Variants in UPB1 observed in about 807,000 individuals in gnomAD.
UPB1 encodes the protein beta-ureidopropionase.
Under a neutral mutation model 49.1 loss-of-function variants are expected in UPB1, and 40 were observed. The ratio of observed to expected loss-of-function variants is 0.81; its 90% CI spans 0.63 to 1.06. The LOEUF (loss-of-function observed/expected upper bound fraction) is 1.06. Among genes scored for constraint, UPB1 ranks in the 50% least tolerant of loss-of-function variants. UPB1 has a pLI of 0.00. For missense variants in UPB1, 499 were observed against 505.9 expected, an observed-to-expected ratio of 0.99 and a Z score of 0.13; for synonymous variants, 207 against 198.2, an observed-to-expected ratio of 1.04 and a Z score of -0.38.
chr22:24,523,716 A>G lies in UPB1; in HGVS notation c.1014A>G (p.Leu338=). 6.2e-7 allele frequency: 1 copy of G among 1,614,274 alleles called. No homozygotes were observed. Among genetic ancestry groups the G allele is most frequent in the Non-Finnish European group, 8.5e-7 (1 of 1,180,046 alleles). Residue 338 remains leucine, a synonymous_variant, in exon 9 of 10, where the codon CTA becomes CTG. Transcript: ENST00000326010. Reference sequence around the variant, plus strand: ...TGTCCCGTAGCCGGGATGGACTGCTAGTTGCTAAGCTCGACCTAAACCTCT... The same window carrying G: ...TGTCCCGTAGCCGGGATGGACTGCTGGTTGCTAAGCTCGACCTAAACCTCT... ...PGLSRSRDGL[L]VAKLDLNLCQ... is the part of the protein sequence containing the mutation.
intron 3 of UPB1, among the ~76,000 whole-genome samples, chr22:24,504,723 CTT>C (rs35606558): frequency 0.027 from 2,469 of 91,494 alleles, 16 homozygotes; most frequent in African/African-American, 0.057. Flanking sequence ...GTATTTCCTC[CTT>C]TTTTTTTTTT....
chr22:24,528,362 T>C lies in UPB1; in HGVS notation c.*2568T>C, dbSNP rs940456659. On this transcript the variant is annotated 3_prime_UTR_variant, in exon 10 of 10. Transcript: ENST00000326010. The stretch of plus-strand genomic sequence containing the variant: ...CAAGGTTTAACTCATCCCTGGAACA[T>C]GCAGATGCTCAGTAAACATTTGAAT... 2.6e-5 allele frequency: 4 copies of C among 152,258 alleles called. No individual in the cohort carries two copies. The highest frequency in any genetic ancestry group is 9.6e-5 in the African/African-American group (4 of 41,464). The allele number at this position is 152,258 out of a possible 1,614,324, so 9.4% of individuals were successfully genotyped here. A position where few individuals can be genotyped will look rare whatever the true frequency, so the allele number is the denominator to read the frequency against.
Position 24,511,618 on chromosome 22 carries a change from A to ATAT in UPB1, c.459+776_459+777insATT, listed in dbSNP as rs1280628896. On this transcript the variant is annotated intron_variant, in intron 4 of 9. Coordinates refer to ENST00000326010, the MANE Select transcript of UPB1 (RefSeq NM_016327.3). ...GTGAATTATATATATATATATATAT[A>ATAT]TTTTTTTTTTTTTGAGATGGAGTCT... is the stretch of plus-strand genomic sequence containing the variant. Among the ~76,000 whole-genome samples the ATAT allele has an allele frequency of 6.0e-4, 73 of 122,552 alleles. 1 individual carries two copies. Among genetic ancestry groups the ATAT allele is most frequent in the African/African-American group, 2.0e-3 (63 of 32,162 alleles). The allele number at this position is 122,552 out of a possible 152,430, so 80.4% of individuals were successfully genotyped here.
chr22:24,526,962 A>G lies in UPB1; in HGVS notation c.*1168A>G, dbSNP rs945216492. The stretch of plus-strand genomic sequence containing the variant: ...ACTAAATCCTTTTATATCTCTATCC[A>G]TCACCTACTAATTCTGCTAGTTCTG... On this transcript the variant is annotated 3_prime_UTR_variant, in exon 10 of 10. Transcript: ENST00000326010. 2 of 152,204 alleles carry G rather than the reference A, an allele frequency of 1.3e-5. No individual in the cohort carries two copies. The highest frequency in any genetic ancestry group is 2.4e-5 in the African/African-American group (1 of 41,442). The allele number at this position is 152,204 out of a possible 1,614,324, so 9.4% of individuals were successfully genotyped here. A position where few individuals can be genotyped will look rare whatever the true frequency, so the allele number is the denominator to read the frequency against.
At chr22:24,516,130 A>G (rs2044289562) in intron 6 of UPB1, among the ~76,000 whole-genome samples, 1 of 152,250 alleles carries the variant, frequency 6.6e-6, no homozygotes, top group Non-Finnish European at 1.5e-5. Flanking sequence ...CAGGACAGAC[A>G]TCTGGACAAG....
intron 3 of UPB1, among the ~76,000 whole-genome samples, chr22:24,510,388 A>G (rs1054028588): frequency 6.6e-6 from 1 of 151,988 alleles, no homozygotes. Context: ...CTGATATTCC[A>G]TTGTGTATAT....
At chr22:24,497,206 T>C (rs1396341913) in intron 1 of UPB1, among the ~76,000 whole-genome samples, 20 of 152,166 alleles carry the variant, frequency 1.3e-4, no homozygotes, top group Admixed American at 1.2e-3. Flanking sequence ...AATGATACCA[T>C]TGTATTTGTA....
intron 8 of UPB1, 101 bp downstream of exon 8, chr22:24,522,129 C>T: frequency 2.2e-6 from 3 of 1,387,256 alleles, no homozygotes; most frequent in Non-Finnish European, 3.0e-6. Flanking sequence ...CAGATCACAT[C>T]TGCATGCCTG....
At chr22:24,521,285 C>G (rs959417237) in intron 7 of UPB1, among the ~76,000 whole-genome samples, 1 of 151,476 alleles carries the variant, frequency 6.6e-6, no homozygotes, top group Non-Finnish European at 1.5e-5. Flanking sequence ...AGTTCCAGAC[C>G]AGCCTGGCCA....
chr22:24,502,371 C>T (rs777734775), intron 3 of UPB1, 158 bp downstream of exon 3: 45 of 841,368 alleles, frequency 5.3e-5, no homozygotes, highest in Non-Finnish European at 8.7e-5. Flanking sequence ...CCCGGCCTCC[C>T]TGCTGTTACG....
rs893599252 is a variant in UPB1, at chr22:24,526,330, T to TC, written c.*539dup. ...TTTTGTAGATGTGACAGAAGTCCAT[T>TC]CCCAATTGACTAAGTAAGTGAGATT... On this transcript the variant is annotated 3_prime_UTR_variant, in exon 10 of 10. Transcript: ENST00000326010. 1 of 207,332 alleles carries TC rather than the reference T, an allele frequency of 4.8e-6. No individual in the cohort carries two copies. Among genetic ancestry groups the TC allele is most frequent in the Non-Finnish European group, 1.0e-5 (1 of 99,822 alleles). The allele number at this position is 207,332 out of a possible 1,614,324, so 12.8% of individuals were successfully genotyped here. A position where few individuals can be genotyped will look rare whatever the true frequency, so the allele number is the denominator to read the frequency against.
chr22:24,519,609 G>A (rs1473358452), intron 6 of UPB1, among the ~76,000 whole-genome samples: 2 of 152,234 alleles, frequency 1.3e-5, no homozygotes, highest in Non-Finnish European at 2.9e-5. Flanking sequence ...CCACTGGCCA[G>A]TAAGAGAACC....
At chr22:24,513,509 A>C in intron 5 of UPB1, 24 bp downstream of exon 5, 1 of 1,610,796 alleles carries the variant, frequency 6.2e-7, no homozygotes, top group Non-Finnish European at 8.5e-7. Context: ...AAGATAGATA[A>C]CCAGCCCTGC....
At chr22:24,501,640 A>C (rs1351952888) in intron 2 of UPB1, among the ~76,000 whole-genome samples, 2 of 152,238 alleles carry the variant, frequency 1.3e-5, no homozygotes, top group Non-Finnish European at 2.9e-5. Context: ...CCCAGGGCAC[A>C]GCACACACCA....
intron 6 of UPB1, 28 bp from the exon 7 acceptor site, chr22:24,520,359 C>A: frequency 6.2e-7 from 1 of 1,613,440 alleles, no homozygotes; most frequent in Non-Finnish European, 8.5e-7. Flanking sequence ...AAGTCGGCAA[C>A]CTGGTTCCTC....
intron 6 of UPB1, among the ~76,000 whole-genome samples, chr22:24,519,070 G>A (rs759382947): frequency 9.8e-5 from 15 of 152,300 alleles, no homozygotes; most frequent in Non-Finnish European, 1.9e-4. Flanking sequence ...TATGGCAATC[G>A]CCCTGCAAGT....
At position 24,515,296 on chromosome 22, in the gene UPB1, C is replaced by T. The variant is rs757422743; in HGVS notation, c.717C>T (p.Pro239=). ...ACATTTGCTACGGGCGGCACCACCC[C>T]CTCAACTGGCTTATGTACAGCATCA... is the stretch of plus-strand genomic sequence containing the variant. ...AVNICYGRHH[P]LNWLMYSING... Residue 239 remains proline (P), a synonymous_variant, in exon 6 of 10, where the codon CCC becomes CCT. Transcript: ENST00000326010. 3.4e-5 allele frequency: 55 copies of T among 1,614,070 alleles called. No individual in the cohort carries two copies. The highest frequency in any genetic ancestry group is 4.7e-5 in the Non-Finnish European group (55 of 1,180,048).
rs938505592 is a variant in UPB1, at chr22:24,495,374, C to T, written c.-30C>T. 4.3e-6 allele frequency: 7 copies of T among 1,609,736 alleles called. No individual in the cohort carries two copies. Among genetic ancestry groups the T allele is most frequent in the Non-Finnish European group, 5.9e-6 (7 of 1,178,886 alleles). ...GCGGGCAAAGGGCAGGCAGTTCGTG[C>T]GCGGACACAAGCACTGGCGGACCGT... On this transcript the variant is annotated 5_prime_UTR_variant, in exon 1 of 10. Transcript: ENST00000326010.
At chr22:24,508,399 A>G (rs2044130925) in intron 3 of UPB1, among the ~76,000 whole-genome samples, 1 of 151,822 alleles carries the variant, frequency 6.6e-6, no homozygotes. Flanking sequence ...TCTCTACTAA[A>G]TATACAAAAA....
Sources: allele counts gnomAD v4.1 joint callset (sites outside exome capture counted in the v4.1 genomes callset), GRCh38; gene constraint gnomAD v4.1.1; transcripts MANE v1.5; gene names NCBI Gene and HGNC (gene_info 2026-07-23, HGNC 2026-07-21).